The following SPON1 variants were observed in gnomAD, a reference collection of about 807,000 sequenced individuals.
SPON1 encodes the protein spondin-1.
A neutral mutation model predicts 111.7 loss-of-function variants in SPON1; 52 were observed. That is an observed-to-expected ratio of 0.47 (90% CI 0.37 to 0.59). The LOEUF is 0.59. Among genes scored for constraint, SPON1 ranks in the 20% least tolerant of loss-of-function variants. The pLI is 0.00. For synonymous variants in SPON1, 410 were observed against 395.8 expected (o/e 1.04, Z -0.43); for missense variants, 957 against 1,068.5 (o/e 0.90, Z 1.46).
At chr11:13,973,275 CTT>C (rs1288973420) in intron 1 of SPON1, among the ~76,000 whole-genome samples, 1 of 152,184 alleles carries the variant, frequency 6.6e-6, no homozygotes, top group Non-Finnish European at 1.5e-5. Flanking sequence ...ATCACAGTCA[CTT>C]TTGTGACTTG....
At chr11:14,132,555 G>A (rs568387431) in intron 5 of SPON1, among the ~76,000 whole-genome samples, 6 of 152,188 alleles carry the variant, frequency 3.9e-5, no homozygotes, top group South Asian at 2.1e-4. Context: ...TAATTAATCC[G>A]CTTATCCATC....
intron 2 of SPON1, among the ~76,000 whole-genome samples, chr11:13,987,189 A>G (rs1848192127): frequency 6.6e-6 from 1 of 152,204 alleles, no homozygotes; most frequent in Non-Finnish European, 1.5e-5. Flanking sequence ...AACAGTGTAA[A>G]AGCGTTCCTA....
chr11:14,215,899 G>A (rs1315375587), intron 6 of SPON1, among the ~76,000 whole-genome samples: 1 of 152,170 alleles, frequency 6.6e-6, no homozygotes, highest in Non-Finnish European at 1.5e-5. Context: ...AAGGGAAAAT[G>A]AGAATTGCAG....
intron 1 of SPON1, among the ~76,000 whole-genome samples, chr11:13,965,621 T>C (rs1848010191): frequency 1.3e-5 from 2 of 152,184 alleles, no homozygotes; most frequent in African/African-American, 2.4e-5. Context: ...GCAATCATCT[T>C]TTCTCCCTTC....
Position 14,117,292 on chromosome 11 carries a change from T to G in SPON1, c.677-18128T>G, listed in dbSNP as rs556996606. ...TCATGGGGAAAGCTTTTAATATCCA[T>G]CATTAAGTAAGATTATTGCTATGGC... On this transcript the variant is annotated intron_variant, in intron 5 of 15. Coordinates refer to ENST00000576479, the MANE Select transcript of SPON1 (RefSeq NM_006108.4). Among the ~76,000 whole-genome samples the G allele has an allele frequency of 7.9e-5, 12 of 152,318 alleles. No individual in the cohort carries two copies. In the South Asian group the frequency reaches 1.2e-3, roughly 16 times the overall value.
chr11:14,125,918 T>G (rs1189665451), intron 5 of SPON1, among the ~76,000 whole-genome samples: 1 of 152,166 alleles, frequency 6.6e-6, no homozygotes, highest in Non-Finnish European at 1.5e-5. Flanking sequence ...GAACCAGGAT[T>G]GTTGATGGTT....
chr11:13,977,279 A>C (rs191417511), intron 1 of SPON1, among the ~76,000 whole-genome samples: 43 of 152,360 alleles, frequency 2.8e-4, no homozygotes, highest in Admixed American at 2.5e-3. Context: ...AGAATTTAGC[A>C]GCAAAATTGC....
chr11:14,138,402 A>C (rs1477651927), intron 6 of SPON1, among the ~76,000 whole-genome samples: 1 of 152,202 alleles, frequency 6.6e-6, no homozygotes, highest in Non-Finnish European at 1.5e-5. Flanking sequence ...ATAAATTTTA[A>C]TGTTACTATA....
At chr11:14,245,219 T>G (rs146798481) in intron 7 of SPON1, among the ~76,000 whole-genome samples, 1 of 152,228 alleles carries the variant, frequency 6.6e-6, no homozygotes, top group Non-Finnish European at 1.5e-5. Flanking sequence ...GGAGGCACAC[T>G]CATAGCTGAC....
At chr11:14,190,325 G>A (rs1443335145) in intron 6 of SPON1, among the ~76,000 whole-genome samples, 1 of 152,148 alleles carries the variant, frequency 6.6e-6, no homozygotes, top group African/African-American at 2.4e-5. Flanking sequence ...TTAAAATGCT[G>A]CTTTACTGGT....
intron 2 of SPON1, among the ~76,000 whole-genome samples, chr11:13,990,561 G>T (rs7482622): frequency 4.0e-5 from 6 of 151,540 alleles, no homozygotes; most frequent in Non-Finnish European, 5.9e-5. Context: ...GGGGCATTTA[G>T]CCCATTTACA....
intron 1 of SPON1, among the ~76,000 whole-genome samples, chr11:13,973,963 G>T (rs1428148887): frequency 6.6e-6 from 1 of 152,178 alleles, no homozygotes; most frequent in Non-Finnish European, 1.5e-5. Flanking sequence ...GAGAGCACTG[G>T]CTGAAGAAGG....
At chr11:14,154,152 G>A (rs1554930162) in intron 6 of SPON1, among the ~76,000 whole-genome samples, 1 of 152,152 alleles carries the variant, frequency 6.6e-6, no homozygotes, top group African/African-American at 2.4e-5. Flanking sequence ...CCATTCTGGG[G>A]TCTGGAGAAT....
At chr11:14,186,692 A>C (rs192045429) in intron 6 of SPON1, among the ~76,000 whole-genome samples, 8 of 152,192 alleles carry the variant, frequency 5.3e-5, no homozygotes, top group Admixed American at 5.2e-4. Context: ...TCTTGACTAC[A>C]TTTCCCATTT....
chr11:14,129,174 G>GTTT (rs112336984), intron 5 of SPON1, among the ~76,000 whole-genome samples: 11 of 149,800 alleles, frequency 7.3e-5, no homozygotes, highest in African/African-American at 2.7e-4. Flanking sequence ...CCCAGAAAAT[G>GTTT]TTTTTTTTTT....
At chr11:14,171,315 G>C (rs1459226188) in intron 6 of SPON1, among the ~76,000 whole-genome samples, 1 of 152,184 alleles carries the variant, frequency 6.6e-6, no homozygotes, top group Non-Finnish European at 1.5e-5. Flanking sequence ...ATGGTAGTTT[G>C]TATTTCTGTG....
intron 6 of SPON1, among the ~76,000 whole-genome samples, chr11:14,231,824 A>G (rs184125399): frequency 6.6e-5 from 10 of 152,242 alleles, no homozygotes; most frequent in Admixed American, 6.5e-4. Flanking sequence ...AAGATTCAAA[A>G]GTATATACGT....
chr11:14,113,568 ATTTTTTTTTTTTTTTTTTTTTTTTTTTTT>A (rs782780924), intron 5 of SPON1, among the ~76,000 whole-genome samples: 2,024 of 74,766 alleles, frequency 0.027, 265 homozygotes, highest in African/African-American at 0.068. Context: ...TACTTTTTAA[ATTTTTTTTTTTTTTTTTTTTTTTTTTTTT>A]TTTTTTTTTT....
rs79735025 is a variant in SPON1 at position 14,004,499 on chromosome 11, T to C, written c.345+21546T>C. Among the ~76,000 whole-genome samples the C allele has an allele frequency of 5.3e-3, 802 of 152,340 alleles. 9 individuals carry two copies. Among genetic ancestry groups the C allele is most frequent in the African/African-American group, 0.018 (741 of 41,584 alleles). ...TCCAGACCCTTACCAACATTTGCTA[T>C]CTCTTGTCTTTTTGATAATAGCTAT... On this transcript the variant is annotated intron_variant, in intron 2 of 15. Coordinates refer to ENST00000576479, the MANE Select transcript of SPON1 (RefSeq NM_006108.4).
Sources: gnomAD v4.1 joint callset for allele counts (sites outside exome capture counted in the v4.1 genomes callset) on GRCh38, gnomAD v4.1.1 for gene constraint, MANE v1.5 for transcripts, NCBI Gene and HGNC (gene_info 2026-07-23, HGNC 2026-07-21) for gene names.